GGH: variants seen among roughly 807,000 people sequenced by gnomAD.
GGH encodes gamma-glutamyl hydrolase.
Under a neutral mutation model 39.2 loss-of-function variants are expected in GGH, and 18 were observed. The ratio of observed to expected loss-of-function variants is 0.46; its 90% CI spans 0.32 to 0.68. The LOEUF (loss-of-function observed/expected upper bound fraction) is 0.68. Ranked by LOEUF, GGH falls within the 30% of genes least tolerant of loss-of-function variation. The probability of loss-of-function intolerance (pLI) is 0.04; values close to 1 mark genes in which losing one functional copy is unlikely to be tolerated. For missense variants in GGH, 367 were observed against 384.1 expected (o/e 0.96, Z 0.37); for synonymous variants, 147 against 138.8 (o/e 1.06, Z -0.42).
chr8:63,031,107 T>C (rs1451495980), intron 2 of GGH, among the ~76,000 whole-genome samples: 1 of 152,222 alleles, frequency 6.6e-6, no homozygotes, highest in African/African-American at 2.4e-5. Flanking sequence ...AGTAGACTTA[T>C]GATTAGATGT....
chr8:63,018,931 TGTA>T (rs1236192675), intron 7 of GGH, among the ~76,000 whole-genome samples: 3 of 152,184 alleles, frequency 2.0e-5, no homozygotes, highest in African/African-American at 7.2e-5. Context: ...AAAATAAACT[TGTA>T]GTAACTTGTA....
At position 63,016,810 on chromosome 8, in the gene GGH, T is replaced by C. The variant is rs904785778; in HGVS notation, c.835+683A>G. ...TCCCACAAACATAACACAGCATGAATATGTCTGTGTTTTCATCACCAAACA... is the reference window on the plus strand; with the variant it reads ...TCCCACAAACATAACACAGCATGAACATGTCTGTGTTTTCATCACCAAACA... On this transcript the variant is annotated intron_variant, in intron 8 of 8. Coordinates refer to ENST00000260118, the MANE Select transcript of GGH (RefSeq NM_003878.3). 2.6e-5 allele frequency among the ~76,000 whole-genome samples: 4 copies of C among 152,180 alleles called. No homozygotes were observed. In the East Asian group the frequency reaches 7.7e-4, roughly 29 times the overall value.
chr8:63,023,800 C>A, intron 7 of GGH, 107 bp downstream of exon 7: 1 of 783,378 alleles, frequency 1.3e-6, no homozygotes, highest in South Asian at 3.9e-5. Flanking sequence ...GCCCTAACAC[C>A]CCTCTTCAAG....
At chr8:63,021,622 C>T (rs1804586299) in intron 7 of GGH, among the ~76,000 whole-genome samples, 1 of 148,726 alleles carries the variant, frequency 6.7e-6, no homozygotes, top group Non-Finnish European at 1.5e-5. Context: ...CATAAGTGGA[C>T]AGGACAATCA....
intron 2 of GGH, 115 bp downstream of exon 2, chr8:63,035,541 G>T: frequency 1.4e-6 from 2 of 1,428,092 alleles, no homozygotes; most frequent in Non-Finnish European, 1.8e-6. Context: ...CCTGACCTCA[G>T]TAGTCCACCC....
chr8:63,017,858 G>A (rs767892286), intron 7 of GGH: 3 of 397,820 alleles, frequency 7.5e-6, no homozygotes, highest in Non-Finnish European at 1.3e-5. Flanking sequence ...AGGACGATTT[G>A]CTTTTCGAGA....
rs774592629 is a variant in GGH at position 63,017,583 on chromosome 8, G to A, written c.745C>T (p.Pro249Ser). 3 of 1,605,850 alleles carry A rather than the reference G, an allele frequency of 1.9e-6. No individual in the cohort carries two copies. The highest frequency in any genetic ancestry group is 1.1e-5 in the South Asian group (1 of 90,880). ...YGVQWHPEKA[P>S]YEWKNLDGIS... is the part of the protein sequence containing the mutation. The stretch of plus-strand genomic sequence containing the variant: ...CCATCCAAATTCTTCCACTCATAAG[G>A]TGCTTTCTCTGGATGCCACTGGACA... Residue 249 changes from proline to serine, a missense_variant, in exon 8 of 9, where the codon CCT (proline) becomes TCT (serine). Transcript: ENST00000260118.
chr8:63,025,743 A>G (rs1343640991), intron 5 of GGH, among the ~76,000 whole-genome samples: 1 of 152,166 alleles, frequency 6.6e-6, no homozygotes, highest in Non-Finnish European at 1.5e-5. Flanking sequence ...AAAGAAAAAA[A>G]AAAATCTTAT....
rs750046352 is a variant in GGH at position 63,017,640 on chromosome 8, G to A, written c.698-10C>T. The A allele has an allele frequency of 2.0e-6, 3 of 1,538,296 alleles. No homozygotes were observed. Among genetic ancestry groups the A allele is most frequent in the South Asian group, 1.2e-5 (1 of 83,980 alleles). The stretch of plus-strand genomic sequence containing the variant: ...ACTGGATACTTATATCCTGTAAGAA[G>A]AACACAAATTAGTAAGTACTAAGAA... On this transcript the variant is annotated splice_polypyrimidine_tract_variant and intron_variant, in intron 7 of 8. Transcript: ENST00000260118.
At chr8:63,020,769 C>A (rs1804571012) in intron 7 of GGH, among the ~76,000 whole-genome samples, 1 of 152,066 alleles carries the variant, frequency 6.6e-6, no homozygotes, top group Non-Finnish European at 1.5e-5. Context: ...AGGGAGAGGG[C>A]ATGAGGAAAT....
chr8:63,038,237 C>T (rs1804948083), intron 1 of GGH, among the ~76,000 whole-genome samples: 1 of 152,184 alleles, frequency 6.6e-6, no homozygotes, highest in Non-Finnish European at 1.5e-5. Flanking sequence ...TTTTCTATTA[C>T]AATGCACTGG....
At chr8:63,031,193 CTG>C (rs1453843621) in intron 2 of GGH, among the ~76,000 whole-genome samples, 1 of 152,134 alleles carries the variant, frequency 6.6e-6, no homozygotes, top group Non-Finnish European at 1.5e-5. Flanking sequence ...AACTAGACAC[CTG>C]TGATATCCAG....
At chr8:63,037,487 A>G (rs1307202926) in intron 1 of GGH, among the ~76,000 whole-genome samples, 1 of 152,178 alleles carries the variant, frequency 6.6e-6, no homozygotes, top group Non-Finnish European at 1.5e-5. Flanking sequence ...GTCCCTCAAA[A>G]TATGACCAAA....
chr8:63,028,112 TTC>T (rs1226171681), intron 3 of GGH: 2 of 152,108 alleles, frequency 1.3e-5, no homozygotes, highest in Non-Finnish European at 2.9e-5. Context: ...AAGAAATATA[TTC>T]TGTTTCTTCC....
intron 3 of GGH, chr8:63,028,023 T>C (rs1471296240): frequency 1.3e-5 from 2 of 152,198 alleles, no homozygotes; most frequent in Admixed American, 1.3e-4. Context: ...AAAATGGTAT[T>C]AATCATATTA....
intron 1 of GGH, among the ~76,000 whole-genome samples, chr8:63,036,979 G>A (rs1282567335): frequency 6.6e-6 from 1 of 152,094 alleles, no homozygotes; most frequent in South Asian, 2.1e-4. Context: ...CCCAGCCCCA[G>A]CAGAGTATAG....
chr8:63,038,173 G>T (rs1804946949), intron 1 of GGH, among the ~76,000 whole-genome samples: 1 of 152,226 alleles, frequency 6.6e-6, no homozygotes, highest in South Asian at 2.1e-4. Context: ...ATCAGCCACT[G>T]TTGTCCTCTG....
intron 7 of GGH, among the ~76,000 whole-genome samples, chr8:63,020,773 A>C (rs1186553083): frequency 6.6e-6 from 1 of 152,176 alleles, no homozygotes; most frequent in Non-Finnish European, 1.5e-5. Flanking sequence ...AGAGGGCATG[A>C]GGAAATAAGC....
intron 7 of GGH, among the ~76,000 whole-genome samples, chr8:63,022,358 G>T (rs1052091255): frequency 1.3e-5 from 2 of 151,836 alleles, no homozygotes; most frequent in Non-Finnish European, 2.9e-5. Context: ...TTCTGGTTAG[G>T]TAAGTTAGAA....
Sources: allele counts gnomAD v4.1 joint callset (sites outside exome capture counted in the v4.1 genomes callset), GRCh38; gene constraint gnomAD v4.1.1; transcripts MANE v1.5; gene names NCBI Gene and HGNC (gene_info 2026-07-23, HGNC 2026-07-21).